MAX: variants seen among roughly 807,000 people sequenced by gnomAD.
MAX encodes the protein MYC associated transcriptional regulator X.
In MAX, 3 loss-of-function variants were observed where a neutral mutation model predicts 22.3. The observed-to-expected ratio is 0.13, with a 90% CI of 0.06 to 0.35. The LOEUF is 0.35. Among genes scored for constraint, MAX ranks in the 10% least tolerant of loss-of-function variants. The pLI is 1.00. For synonymous variants in MAX, 72 were observed against 77.7 expected (o/e 0.93, Z 0.39); for missense variants, 119 against 209.4 (o/e 0.57, Z 2.66).
chr14:65,080,036 C>T (rs990812526), intron 3 of MAX, among the ~76,000 whole-genome samples: 2 of 152,180 alleles, frequency 1.3e-5, no homozygotes, highest in East Asian at 1.9e-4. Context: ...TATGTCTATA[C>T]ATGGAAATAT....
intron 3 of MAX, chr14:65,083,688 C>G: frequency 9.7e-7 from 1 of 1,029,306 alleles, no homozygotes; most frequent in Middle Eastern, 4.6e-4. Context: ...CTGTCTTGTT[C>G]CCCTAAGAAC....
intron 3 of MAX, among the ~76,000 whole-genome samples, chr14:65,083,163 C>G (rs572123601): frequency 6.6e-6 from 1 of 152,176 alleles, no homozygotes; most frequent in Non-Finnish European, 1.5e-5. Flanking sequence ...AGTAAGCAGA[C>G]AGAGGGAAGG....
At position 65,012,583 on chromosome 14, in the gene MAX, C is replaced by T. The variant is rs115170426; in HGVS notation, c.172-6299G>A. On this transcript the variant is annotated intron_variant, in intron 3 of 3. Transcript: ENST00000341653. This position sits in a 1 kb window ranked among gnomAD's most constrained non-coding sequence, Gnocchi z 5.0. Reference sequence around the variant, plus strand: ...TGAAAGGGCAGAACCTAGTCTCTTCCAGAGTGAGTGGAGCACCCTAGATAG... The same window carrying T: ...TGAAAGGGCAGAACCTAGTCTCTTCTAGAGTGAGTGGAGCACCCTAGATAG... Among the ~76,000 whole-genome samples the T allele has an allele frequency of 3.6e-3, 546 of 152,338 alleles. 3 individuals are homozygous for T. Among genetic ancestry groups the T allele is most frequent in the African/African-American group, 0.013 (531 of 41,566 alleles).
In MAX at chr14:65,009,763, T is replaced by G. The variant is rs569129535; in HGVS notation, c.172-3479A>C. Reference sequence around the variant, plus strand: ...GTCATGGTGTTTTCTTCATTTTGCCTGCTTAACTCATGTCTTTCCAGCCTT... The same window carrying G: ...GTCATGGTGTTTTCTTCATTTTGCCGGCTTAACTCATGTCTTTCCAGCCTT... On this transcript the variant is annotated intron_variant, in intron 3 of 3. Transcript: ENST00000341653. The surrounding 1 kb of genome is among the most constrained non-coding windows in gnomAD (Gnocchi z 4.2). Among the ~76,000 whole-genome samples, 21 of 152,338 alleles carry G rather than the reference T, an allele frequency of 1.4e-4. No homozygotes were observed. In the East Asian group the frequency reaches 4.1e-3, roughly 29 times the overall value.
At chr14:65,098,982 TC>T (rs1482477950) in intron 2 of MAX, among the ~76,000 whole-genome samples, 1 of 152,226 alleles carries the variant, frequency 6.6e-6, no homozygotes, top group East Asian at 1.9e-4. Context: ...TTTTTCAACA[TC>T]TTCTGTAGTC....
intron 3 of MAX, among the ~76,000 whole-genome samples, chr14:65,052,376 CT>C (rs1185835167): frequency 1.3e-5 from 2 of 151,946 alleles, no homozygotes; most frequent in Non-Finnish European, 2.9e-5. Flanking sequence ...TGTTGGGCAT[CT>C]TTTTTTTAAA....
At chr14:65,056,129 T>C (rs929453976) in intron 3 of MAX, among the ~76,000 whole-genome samples, 2 of 152,246 alleles carry the variant, frequency 1.3e-5, no homozygotes, top group African/African-American at 4.8e-5. Flanking sequence ...AACAGTTGCT[T>C]GCATGTTTTC....
chr14:65,077,281 C>A lies in MAX; in HGVS notation c.296-618G>T. On this transcript the variant is annotated intron_variant, in intron 4 of 4. Coordinates refer to ENST00000358664, the MANE Select transcript of MAX (RefSeq NM_002382.5). The surrounding 1 kb of genome is among the most constrained non-coding windows in gnomAD (Gnocchi z 6.3). ...TCAGCTCAGCTTGAGCCTGGAAGGT[C>A]AACCCATTTAATTTATTTTATTTTA... 1 of 1,257,896 alleles carries A rather than the reference C, an allele frequency of 7.9e-7. No individual in the cohort carries two copies. The highest frequency in any genetic ancestry group is 1.3e-5 in the South Asian group (1 of 77,872). 77.9% of individuals were successfully genotyped at this position (1,257,896 alleles called of 1,614,324 possible).
chr14:65,018,302 C>T (rs1275612922), intron 3 of MAX, among the ~76,000 whole-genome samples: 1 of 152,106 alleles, frequency 6.6e-6, no homozygotes, highest in Non-Finnish European at 1.5e-5. Flanking sequence ...TGCATTCCAG[C>T]CTGGGCAACA....
At position 65,044,810 on chromosome 14, in the gene MAX, C is replaced by T. The variant is rs762083594; in HGVS notation, c.172-38526G>A. ...TGGGTGCAGGGCAGAGCTGAAAACCCTCAGTGTTGCAACAGTCACTGTTGC... is the reference window on the plus strand; with the variant it reads ...TGGGTGCAGGGCAGAGCTGAAAACCTTCAGTGTTGCAACAGTCACTGTTGC... On this transcript the variant is annotated intron_variant, in intron 3 of 3. Transcript: ENST00000341653. This position sits in a 1 kb window ranked among gnomAD's most constrained non-coding sequence, Gnocchi z 5.5. 4.9e-6 allele frequency: 1 copy of T among 202,906 alleles called. No homozygotes were observed. Among genetic ancestry groups the T allele is most frequent in the South Asian group, 9.5e-5 (1 of 10,562 alleles). The allele number at this position is 202,906 out of a possible 1,614,324, so 12.6% of individuals were successfully genotyped here.
intron 1 of MAX, 157 bp from the exon 2 acceptor site, chr14:65,101,729 T>G: frequency 1.6e-6 from 1 of 633,268 alleles, no homozygotes; most frequent in Non-Finnish European, 2.8e-6. Flanking sequence ...CCCCCACCCT[T>G]CCACCCTCGG....
At position 65,062,189 on chromosome 14, in the gene MAX, C is replaced by T. The variant is rs2062877452; in HGVS notation, c.171+31519G>A. On this transcript the variant is annotated intron_variant, in intron 3 of 3. Coordinates refer to the MAX transcript ENST00000341653. The surrounding 1 kb of genome is among the most constrained non-coding windows in gnomAD (Gnocchi z 4.3). ...TTTCTATCTTTCTTCCACCAGACTCCAAGCCCACTCTCCTCCAAGACTGTG... is the reference window on the plus strand; with the variant it reads ...TTTCTATCTTTCTTCCACCAGACTCTAAGCCCACTCTCCTCCAAGACTGTG... The T allele has an allele frequency of 6.6e-6, 1 of 152,434 alleles. No homozygotes were observed. Among genetic ancestry groups the T allele is most frequent in the South Asian group, 2.1e-4 (1 of 4,838 alleles). 9.4% of individuals were successfully genotyped at this position (152,434 alleles called of 1,614,324 possible).
intron 3 of MAX, among the ~76,000 whole-genome samples, chr14:65,060,269 T>C (rs1040069452): frequency 1.1e-4 from 17 of 152,212 alleles, no homozygotes; most frequent in African/African-American, 3.9e-4. Flanking sequence ...GCTATTTATA[T>C]ACATCACAGG....
Position 65,069,436 on chromosome 14 carries a change from G to C in MAX, c.171+24272C>G, listed in dbSNP as rs1002375356. On this transcript the variant is annotated intron_variant, in intron 3 of 3. Transcript: ENST00000341653. The surrounding 1 kb of genome is among the most constrained non-coding windows in gnomAD (Gnocchi z 4.6). ...CTCCTCTGGCATTCAGAGCCCAGAC[G>C]TGCATTTGTGCTAAATGCCTAACCT... Among the ~76,000 whole-genome samples the C allele has an allele frequency of 1.7e-4, 26 of 152,326 alleles. No homozygotes were observed. Among genetic ancestry groups the C allele is most frequent in the African/African-American group, 6.3e-4 (26 of 41,576 alleles).
intron 3 of MAX, chr14:65,041,020 CT>C: frequency 6.5e-7 from 1 of 1,528,926 alleles, no homozygotes; most frequent in Non-Finnish European, 8.9e-7. Context: ...ATGGGAAGGG[CT>C]AAGAGAGTTA....
chr14:65,032,486 C>T lies in MAX; in HGVS notation c.172-26202G>A. On this transcript the variant is annotated intron_variant, in intron 3 of 3. Coordinates refer to the MAX transcript ENST00000341653. The surrounding 1 kb of genome is among the most constrained non-coding windows in gnomAD (Gnocchi z 5.0). ...AGACCCAGGAGGACTGACCGTGTGC[C>T]AAGAGTGAGGACAGGAGGTGATTAC... 1.0e-6 allele frequency: 1 copy of T among 985,754 alleles called. No homozygotes were observed. Among genetic ancestry groups the T allele is most frequent in the Non-Finnish European group, 1.4e-6 (1 of 692,572 alleles). The allele number at this position is 985,754 out of a possible 1,614,324, so 61.1% of individuals were successfully genotyped here.
At chr14:65,083,531 GAAT>G (rs1172464470) in intron 3 of MAX, among the ~76,000 whole-genome samples, 16 of 152,192 alleles carry the variant, frequency 1.1e-4, no homozygotes, top group African/African-American at 3.6e-4. Context: ...GTGAGGAAAA[GAAT>G]AGTAGTGCTA....
In MAX at chr14:65,069,827, C is replaced by T. The variant is rs753996089; in HGVS notation, c.171+23881G>A. 6.6e-6 allele frequency among the ~76,000 whole-genome samples: 1 copy of T among 152,240 alleles called. No individual in the cohort carries two copies. Among genetic ancestry groups the T allele is most frequent in the African/African-American group, 2.4e-5 (1 of 41,470 alleles). ...GAGGTCCCTGGATGGGAAACATGGTCAAGTTGTTGGAAACAGGGTCCTTCC... is the reference window on the plus strand; with the variant it reads ...GAGGTCCCTGGATGGGAAACATGGTTAAGTTGTTGGAAACAGGGTCCTTCC... On this transcript the variant is annotated intron_variant, in intron 3 of 3. Coordinates refer to the MAX transcript ENST00000341653. This position sits in a 1 kb window ranked among gnomAD's most constrained non-coding sequence, Gnocchi z 4.6.
In MAX at chr14:65,079,810, G is replaced by A. The variant is rs149870716; in HGVS notation, c.172-1774C>T. ...AGTTTCAGAAAGGTTTGTAAGGCCC[G>A]TGCTTATTCATAAGTCCTCACAAGT... On this transcript the variant is annotated intron_variant, in intron 3 of 4. Coordinates refer to ENST00000358664, the MANE Select transcript of MAX (RefSeq NM_002382.5). This position sits in a 1 kb window ranked among gnomAD's most constrained non-coding sequence, Gnocchi z 4.5. Among the ~76,000 whole-genome samples, 18 of 152,328 alleles carry A rather than the reference G, an allele frequency of 1.2e-4. 1 individual carries two copies. The East Asian group carries it at 1.5e-3, about 13-fold the overall frequency.
Sources: gnomAD v4.1 joint callset for allele counts (sites outside exome capture counted in the v4.1 genomes callset) on GRCh38, gnomAD v4.1.1 for gene constraint, Gnocchi (gnomAD v3.1) non-coding constraint, MANE v1.5 for transcripts, NCBI Gene and HGNC (gene_info 2026-07-23, HGNC 2026-07-21) for gene names.